PPP1R18: variants seen among roughly 807,000 people sequenced by gnomAD.
PPP1R18 encodes the protein phostensin.
Under a neutral mutation model 54.8 loss-of-function variants are expected in PPP1R18, and 31 were observed. The observed-to-expected ratio is 0.57, with a 90% CI of 0.43 to 0.76. The LOEUF (loss-of-function observed/expected upper bound fraction) is 0.76, where lower values mean the gene tolerates loss of function less well. Among genes scored for constraint, PPP1R18 ranks in the 30% least tolerant of loss-of-function variants. The probability of loss-of-function intolerance (pLI) is 0.00; values close to 1 mark genes in which losing one functional copy is unlikely to be tolerated. For missense variants in PPP1R18, 685 were observed against 776.1 expected (o/e 0.88, Z 1.39); for synonymous variants, 310 against 320.2 (o/e 0.97, Z 0.34).
chr6:30,677,227 G>T lies in PPP1R18; in HGVS notation c.*42C>A. On this transcript the variant is annotated 3_prime_UTR_variant, in exon 3 of 3. Transcript: ENST00000274853. ...AATCTTCCGGGCTCCAGGATCTTCA[G>T]TTATAAGAAGGAGGGAGGTATATCC... The T allele has an allele frequency of 6.3e-7, 1 of 1,585,892 alleles. No homozygotes were observed. Among genetic ancestry groups the T allele is most frequent in the Non-Finnish European group, 8.6e-7 (1 of 1,157,044 alleles).
In PPP1R18 at chr6:30,679,172, C is replaced by T. The variant is rs757446671; in HGVS notation, c.1822+7G>A. 3.6e-5 allele frequency: 57 copies of T among 1,596,390 alleles called. No homozygotes were observed. The highest frequency in any genetic ancestry group is 1.1e-4 in the South Asian group (10 of 90,426). On this transcript the variant is annotated splice_region_variant and intron_variant, in intron 2 of 2. Transcript: ENST00000274853. ...GGCGCCCTCGGGCCGGCGGAGCCTC[C>T]GCTTACCCACAATCAGGGCCTTGGT... is the stretch of plus-strand genomic sequence containing the variant.
Position 30,676,863 on chromosome 6 carries a change from A to G in PPP1R18, c.*406T>C. Reference sequence around the variant, plus strand: ...ATGAAGGAGATGTGCCTATAAATGGAGTGGGGTCTGGGCCTCCCAGAGAGA... The same window carrying G: ...ATGAAGGAGATGTGCCTATAAATGGGGTGGGGTCTGGGCCTCCCAGAGAGA... On this transcript the variant is annotated 3_prime_UTR_variant, in exon 3 of 3. Coordinates refer to ENST00000274853, the MANE Select transcript of PPP1R18 (RefSeq NM_133471.4). The G allele has an allele frequency of 3.1e-6, 1 of 321,372 alleles. No individual in the cohort carries two copies. The highest frequency in any genetic ancestry group is 5.8e-6 in the Non-Finnish European group (1 of 173,290). 19.9% of individuals were successfully genotyped at this position (321,372 alleles called of 1,614,324 possible). A position where few individuals can be genotyped will look rare whatever the true frequency, so the allele number is the denominator to read the frequency against.
chr6:30,684,893 C>T lies in PPP1R18; in HGVS notation c.1126G>A (p.Gly376Arg), dbSNP rs376838754. 2.5e-6 allele frequency: 4 copies of T among 1,612,870 alleles called. No homozygotes were observed. In the African/African-American group the frequency reaches 4.0e-5, roughly 16 times the overall value. Residue 376 changes from glycine (G) to arginine (R), a missense_variant, in exon 1 of 3, where the codon GGG (glycine) becomes AGG (arginine). Coordinates refer to ENST00000274853, the MANE Select transcript of PPP1R18 (RefSeq NM_133471.4). This position sits in a 1 kb window ranked among gnomAD's most constrained non-coding sequence, Gnocchi z 6.0. ...CCCGCCTCCTCCTTCTCAGCCTCCC[C>T]TTCTCCAGCCTCCACACCGGGAGAT... is the stretch of plus-strand genomic sequence containing the variant. ...LESPGVEAGE[G>R]EAEKEEAGAQ...
chr6:30,687,675 T>G (rs1360544266), upstream of PPP1R18: 1 of 152,534 alleles, frequency 6.6e-6, no homozygotes, highest in Non-Finnish European at 1.5e-5. This position sits in a 1 kb window ranked among gnomAD's most constrained non-coding sequence, Gnocchi z 7.9. Flanking sequence ...AGTCCTTTGT[T>G]TTGCGGGGTC....
rs748245536 is a variant in PPP1R18, at chr6:30,685,660, C to A, written c.359G>T (p.Arg120Leu). Reference sequence around the variant, plus strand: ...CTCCCCAGGGCTGGGTCTCCGCTCCCGGGCCTCCAGAGGCCCAGGCTTTCT... The same window carrying A: ...CTCCCCAGGGCTGGGTCTCCGCTCCAGGGCCTCCAGAGGCCCAGGCTTTCT... ...AERKPGPLEA[R>L]ERRPSPGEMR... is the part of the protein sequence containing the mutation. The change falls in exon 1 of 3, where the codon CGG becomes CTG. Residue 120 changes from arginine (R) to leucine (L), a missense_variant. Coordinates refer to ENST00000274853, the MANE Select transcript of PPP1R18 (RefSeq NM_133471.4). This position sits in a 1 kb window ranked among gnomAD's most constrained non-coding sequence, Gnocchi z 5.0. 1.2e-6 allele frequency: 2 copies of A among 1,613,092 alleles called. No homozygotes were observed. The highest frequency in any genetic ancestry group is 1.7e-6 in the Non-Finnish European group (2 of 1,180,020).
Position 30,684,600 on chromosome 6 carries a change from G to A in PPP1R18, c.1419C>T (p.Thr473=), listed in dbSNP as rs531766576. The A allele has an allele frequency of 5.7e-6, 9 of 1,591,502 alleles. No individual in the cohort carries two copies. Among genetic ancestry groups the A allele is most frequent in the South Asian group, 5.6e-5 (5 of 88,796 alleles). ...GGGGCACAGACCGCCGGGGGTTGACGGTGAAGGTGTGTCCACTGCGGCGGG... is the reference window on the plus strand; with the variant it reads ...GGGGCACAGACCGCCGGGGGTTGACAGTGAAGGTGTGTCCACTGCGGCGGG... ...GAPRRSGHTF[T]VNPRRSVPPA... The change falls in exon 1 of 3, where the codon ACC becomes ACT. Residue 473 remains threonine (T), a synonymous_variant. Transcript: ENST00000274853. The surrounding 1 kb of genome is among the most constrained non-coding windows in gnomAD (Gnocchi z 6.0).
intron 2 of PPP1R18, 28 bp downstream of exon 2, chr6:30,679,151 C>A: frequency 6.3e-7 from 1 of 1,588,064 alleles, no homozygotes; most frequent in Non-Finnish European, 8.5e-7. Context: ...GCAGGGGGCG[C>A]CCTCGGGCCG....
chr6:30,685,290 A>G lies in PPP1R18; in HGVS notation c.729T>C (p.Pro243=), dbSNP rs1770830496. Residue 243 remains proline, a synonymous_variant, in exon 1 of 3, where the codon CCT becomes CCC. Transcript: ENST00000274853. The surrounding 1 kb of genome is among the most constrained non-coding windows in gnomAD (Gnocchi z 5.0). The part of the protein sequence containing the change: ...LGLTEAHKWR[P]DSRESQEQSL... Reference sequence around the variant, plus strand: ...TCTGTTCCTGAGACTCTCTGGAGTCAGGTCTCCATTTATGGGCCTCTGTCA... The same window carrying G: ...TCTGTTCCTGAGACTCTCTGGAGTCGGGTCTCCATTTATGGGCCTCTGTCA... 1.2e-6 allele frequency: 2 copies of G among 1,612,902 alleles called. No individual in the cohort carries two copies. The highest frequency in any genetic ancestry group is 2.7e-5 in the African/African-American group (2 of 74,894).
chr6:30,685,518 C>T lies in PPP1R18; in HGVS notation c.501G>A (p.Leu167=), dbSNP rs1770854904. Residue 167 remains leucine (L), a synonymous_variant, in exon 1 of 3, where the codon CTG becomes CTA. Transcript: ENST00000274853. The surrounding 1 kb of genome is among the most constrained non-coding windows in gnomAD (Gnocchi z 5.0). ...GGCTTTGCCTCCAGTCCCGAGCCTCCAGAGGCCTCAGGCTCAACTCTTGGG... is the reference window on the plus strand; with the variant it reads ...GGCTTTGCCTCCAGTCCCGAGCCTCTAGAGGCCTCAGGCTCAACTCTTGGG... ...GGAQELSLRP[L]EARDWRQSPG... is the part of the protein sequence containing the mutation. 1 of 1,613,074 alleles carries T rather than the reference C, an allele frequency of 6.2e-7. No homozygotes were observed.
rs61623266 is a variant in PPP1R18 at position 30,685,485 on chromosome 6, C to T, written c.534G>A (p.Glu178=). 26,714 of 1,612,996 alleles carry T rather than the reference C, an allele frequency of 0.017. 527 individuals are homozygous for T. Among genetic ancestry groups the T allele is most frequent in the African/African-American group, 0.092 (6,870 of 75,018 alleles). Residue 178 remains glutamate (E), a synonymous_variant, in exon 1 of 3, where the codon GAG becomes GAA. Coordinates refer to ENST00000274853, the MANE Select transcript of PPP1R18 (RefSeq NM_133471.4). The surrounding 1 kb of genome is among the most constrained non-coding windows in gnomAD (Gnocchi z 5.0). ...EARDWRQSPG[E]VGDRSSRLSE... ...ACAGTCGGGAGCTCCTGTCTCCCAC[C>T]TCTCCTGGGCTTTGCCTCCAGTCCC...
chr6:30,684,444 G>A lies in PPP1R18; in HGVS notation c.1575C>T (p.Cys525=). The A allele has an allele frequency of 6.3e-7, 1 of 1,594,458 alleles. No individual in the cohort carries two copies. The highest frequency in any genetic ancestry group is 8.6e-7 in the Non-Finnish European group (1 of 1,168,718). The change falls in exon 1 of 3, where the codon TGC becomes TGT. Residue 525 remains cysteine (C), a synonymous_variant. Coordinates refer to ENST00000274853, the MANE Select transcript of PPP1R18 (RefSeq NM_133471.4). The surrounding 1 kb of genome is among the most constrained non-coding windows in gnomAD (Gnocchi z 6.0). ...LGGYLRLSRS[C]LAKGSPERHH... is the part of the protein sequence containing the mutation. Reference sequence around the variant, plus strand: ...GTCTTTCGGGGGACCCCTTGGCAAGGCAGCTGCGGCTGAGACGGAGGTAGC... The same window carrying A: ...GTCTTTCGGGGGACCCCTTGGCAAGACAGCTGCGGCTGAGACGGAGGTAGC...
chr6:30,685,955 C>T lies in PPP1R18; in HGVS notation c.64G>A (p.Val22Ile), dbSNP rs369813614. 6.4e-5 allele frequency: 103 copies of T among 1,603,184 alleles called. No homozygotes were observed. The highest frequency in any genetic ancestry group is 8.2e-5 in the Non-Finnish European group (97 of 1,178,714). Residue 22 changes from valine (V) to isoleucine (I), a missense_variant, in exon 1 of 3, where the codon GTT becomes ATT. Coordinates refer to ENST00000274853, the MANE Select transcript of PPP1R18 (RefSeq NM_133471.4). This position sits in a 1 kb window ranked among gnomAD's most constrained non-coding sequence, Gnocchi z 5.0. ...CGTTCTGCTTTCTCTCGGCCTCGAA[C>T]GGACGCCTCCTCCTGCCGGCGCCGG... is the stretch of plus-strand genomic sequence containing the variant. ...LARRRQEEAS[V>I]RGREKAERER...
chr6:30,677,266 T>C lies in PPP1R18; in HGVS notation c.*3A>G. 6.2e-7 allele frequency: 1 copy of C among 1,604,260 alleles called. No homozygotes were observed. ...GGAGGTATATCCCTATGTTGGAAGATGGTCACCGCCGGCAGGACTCATCTG... is the reference window on the plus strand; with the variant it reads ...GGAGGTATATCCCTATGTTGGAAGACGGTCACCGCCGGCAGGACTCATCTG... On this transcript the variant is annotated 3_prime_UTR_variant, in exon 3 of 3. Transcript: ENST00000274853.
At position 30,679,084 on chromosome 6, in the gene PPP1R18, G is replaced by A. The variant is rs115481610; in HGVS notation, c.1822+95C>T. ...CCAGAGGACCCGCCAAGCCCCTTCC[G>A]AGTGCCTACATGTAATCCTCCCTCC... On this transcript the variant is annotated intron_variant, in intron 2 of 2. Transcript: ENST00000274853. 9,327 of 999,242 alleles carry A rather than the reference G, an allele frequency of 9.3e-3. 253 individuals are homozygous for A. Among genetic ancestry groups the A allele is most frequent in the East Asian group, 0.077 (2,903 of 37,648 alleles). 61.9% of individuals were successfully genotyped at this position (999,242 alleles called of 1,614,324 possible).
In PPP1R18 at chr6:30,679,339, G is replaced by C; in HGVS notation, c.1662C>G (p.Pro554=). Residue 554 remains proline (P), a synonymous_variant, in exon 2 of 3, where the codon CCC becomes CCG. Coordinates refer to ENST00000274853, the MANE Select transcript of PPP1R18 (RefSeq NM_133471.4). ...GCTCCTCCAGTACCGAACTCTCGGA[G>C]GGGTATTGGTACGTGGTCTCCAGGG... ...ETALETTYQY[P]SESSVLEELG... The C allele has an allele frequency of 1.9e-6, 3 of 1,562,488 alleles. No individual in the cohort carries two copies. Among genetic ancestry groups the C allele is most frequent in the Non-Finnish European group, 2.6e-6 (3 of 1,154,510 alleles).
At position 30,677,072 on chromosome 6, in the gene PPP1R18, A is replaced by G; in HGVS notation, c.*197T>C. The G allele has an allele frequency of 2.8e-6, 2 of 708,798 alleles. No individual in the cohort carries two copies. The highest frequency in any genetic ancestry group is 5.2e-6 in the Non-Finnish European group (2 of 386,976). The allele number at this position is 708,798 out of a possible 1,614,324, so 43.9% of individuals were successfully genotyped here. On this transcript the variant is annotated 3_prime_UTR_variant, in exon 3 of 3. Coordinates refer to ENST00000274853, the MANE Select transcript of PPP1R18 (RefSeq NM_133471.4). ...CACCAGCACGTTTAACCCCACCCAC[A>G]CCAGGGACTTTGGATTAGGGTAGAA...
At chr6:30,681,951 G>C (rs1188986339) in intron 1 of PPP1R18, among the ~76,000 whole-genome samples, 1 of 152,112 alleles carries the variant, frequency 6.6e-6, no homozygotes, top group Non-Finnish European at 1.5e-5. Flanking sequence ...GTAGAATCTA[G>C]TGACAGCAGC....
At chr6:30,681,054 C>A (rs992904099) in intron 1 of PPP1R18, among the ~76,000 whole-genome samples, 1 of 146,232 alleles carries the variant, frequency 6.8e-6, no homozygotes, top group East Asian at 2.0e-4. Flanking sequence ...CACTGCTCTA[C>A]GGCTTGGGCA....
rs1049175293 is a variant in PPP1R18 at position 30,685,661 on chromosome 6, G to A, written c.358C>T (p.Arg120Trp). 2 of 1,612,896 alleles carry A rather than the reference G, an allele frequency of 1.2e-6. No individual in the cohort carries two copies. Among genetic ancestry groups the A allele is most frequent in the Non-Finnish European group, 8.5e-7 (1 of 1,180,014 alleles). ...AERKPGPLEA[R>W]ERRPSPGEMR... is the part of the protein sequence containing the mutation. ...TCCCCAGGGCTGGGTCTCCGCTCCC[G>A]GGCCTCCAGAGGCCCAGGCTTTCTC... The change falls in exon 1 of 3, where the codon CGG (arginine) becomes TGG (tryptophan). Residue 120 changes from arginine to tryptophan, a missense_variant. Transcript: ENST00000274853. The surrounding 1 kb of genome is among the most constrained non-coding windows in gnomAD (Gnocchi z 5.0).
Sources: gnomAD v4.1 joint callset for allele counts (sites outside exome capture counted in the v4.1 genomes callset) on GRCh38, gnomAD v4.1.1 for gene constraint, Gnocchi (gnomAD v3.1) non-coding constraint, MANE v1.5 for transcripts, NCBI Gene and HGNC (gene_info 2026-07-23, HGNC 2026-07-21) for gene names.